The following UPP2 variants were observed in gnomAD, a reference collection of about 807,000 sequenced individuals.
UPP2 encodes the protein UPase 2.
A neutral mutation model predicts 26.7 loss-of-function variants in UPP2; 23 were observed. That is an observed-to-expected ratio of 0.86 (90% confidence interval 0.62 to 1.22). The LOEUF is 1.22. UPP2 is among the 50% of genes most tolerant of loss of function. UPP2 has a pLI of 0.00. For missense variants in UPP2, 387 were observed against 396.7 expected (o/e 0.98, Z 0.21); for synonymous variants, 127 against 141.3 (o/e 0.90, Z 0.72).
At chr2:158,114,979 G>A (rs186604731) in intron 2 of UPP2, 122 bp from the exon 3 acceptor site, 42 of 901,902 alleles carry the variant, frequency 4.7e-5, no homozygotes, top group Non-Finnish European at 6.0e-5. Context: ...CATAAACCAT[G>A]ACATCTACAC....
At chr2:158,087,045 A>G (rs1333047481) in intron 3 of UPP2, among the ~76,000 whole-genome samples, 1 of 152,010 alleles carries the variant, frequency 6.6e-6, no homozygotes, top group African/African-American at 2.4e-5. Flanking sequence ...TTCTTTGTTG[A>G]CTTTCTGTCA....
At chr2:158,079,683 C>T (rs147006253) in intron 3 of UPP2, among the ~76,000 whole-genome samples, 1 of 152,074 alleles carries the variant, frequency 6.6e-6, no homozygotes, top group Non-Finnish European at 1.5e-5. Context: ...TGAAAAAAAG[C>T]CTTTTCCAAT....
chr2:158,017,020 A>C (rs1043926891), intron 3 of UPP2, among the ~76,000 whole-genome samples: 2 of 152,316 alleles, frequency 1.3e-5, no homozygotes, highest in East Asian at 3.9e-4. Flanking sequence ...AATAAAAGGA[A>C]TGGGAGTGGT....
At position 158,115,223 on chromosome 2, in the gene UPP2, C is replaced by T. The variant is rs201679345; in HGVS notation, c.303C>T (p.Tyr101=). The T allele has an allele frequency of 2.2e-5, 35 of 1,612,594 alleles. No individual in the cohort carries two copies. Among genetic ancestry groups the T allele is most frequent in the Non-Finnish European group, 3.0e-5 (35 of 1,179,442 alleles). Residue 101 remains tyrosine (Y), a synonymous_variant, in exon 3 of 7, where the codon TAC becomes TAT. Transcript: ENST00000005756. ...IKDICAGTDR[Y]CMYKTGPVLA... The stretch of plus-strand genomic sequence containing the variant: ...ACATCTGTGCTGGGACAGACAGATA[C>T]TGTATGTACAAAACCGGGCCTGTGC...
chr2:158,082,547 C>A (rs1324550464), intron 3 of UPP2, among the ~76,000 whole-genome samples: 1 of 152,094 alleles, frequency 6.6e-6, no homozygotes. Context: ...ACACCTTATA[C>A]AAAAATTAAC....
chr2:158,100,770 G>A (rs537629789), upstream of UPP2, among the ~76,000 whole-genome samples: 1 of 152,350 alleles, frequency 6.6e-6, no homozygotes, highest in East Asian at 1.9e-4. Flanking sequence ...TCTGGGCACA[G>A]TTGCAAACGT....
chr2:158,030,825 G>A (rs1355261366), intron 3 of UPP2, among the ~76,000 whole-genome samples: 1 of 152,160 alleles, frequency 6.6e-6, no homozygotes, highest in African/African-American at 2.4e-5. Context: ...TGCTATTAAG[G>A]TGACCTGAGG....
chr2:158,032,184 G>A (rs2105157237), intron 3 of UPP2, among the ~76,000 whole-genome samples: 1 of 152,308 alleles, frequency 6.6e-6, no homozygotes, highest in South Asian at 2.1e-4. Context: ...ATTGGGAGCA[G>A]ATATTGCTGA....
At chr2:158,105,009 G>C (rs193240870) in intron 1 of UPP2, among the ~76,000 whole-genome samples, 27 of 10,826 alleles carry the variant, frequency 2.5e-3, no homozygotes, top group Non-Finnish European at 3.1e-3. Flanking sequence ...GGGGAGGGGA[G>C]GGGAGGGGAG....
intron 3 of UPP2, among the ~76,000 whole-genome samples, chr2:158,071,766 G>T (rs1287820627): frequency 1.3e-5 from 2 of 151,914 alleles, no homozygotes; most frequent in East Asian, 3.9e-4. Context: ...CCAAGTCCTG[G>T]CAGGATTCAT....
chr2:158,088,962 C>A (rs1682862063), intron 3 of UPP2, among the ~76,000 whole-genome samples: 1 of 152,120 alleles, frequency 6.6e-6, no homozygotes, highest in Non-Finnish European at 1.5e-5. Flanking sequence ...TGGTTGGCCT[C>A]CAGCCAGGGG....
intron 5 of UPP2, among the ~76,000 whole-genome samples, chr2:158,122,086 G>GGGGGGACC (rs1683582280): frequency 6.6e-6 from 1 of 151,872 alleles, no homozygotes; most frequent in Admixed American, 6.6e-5. Flanking sequence ...TTATCTCTCA[G>GGGGGGACC]CCATGAGTAA....
At chr2:158,114,865 C>A (rs1683391081) in intron 2 of UPP2, among the ~76,000 whole-genome samples, 1 of 152,184 alleles carries the variant, frequency 6.6e-6, no homozygotes, top group African/African-American at 2.4e-5. Flanking sequence ...ATAATATCAA[C>A]ATTTATTTTG....
chr2:158,071,538 G>A (rs1027996089), intron 3 of UPP2, among the ~76,000 whole-genome samples: 7 of 115,762 alleles, frequency 6.0e-5, no homozygotes, highest in Admixed American at 3.2e-4. Flanking sequence ...GCAAAGAAGC[G>A]AGATTCTGTC....
At chr2:158,026,022 T>A (rs1333827856) in intron 3 of UPP2, among the ~76,000 whole-genome samples, 10 of 152,138 alleles carry the variant, frequency 6.6e-5, no homozygotes, top group Non-Finnish European at 1.5e-5. Flanking sequence ...GAGGTGGTGA[T>A]GAAGTACAGC....
At chr2:158,025,138 G>C (rs1683814084) in intron 3 of UPP2, among the ~76,000 whole-genome samples, 1 of 151,226 alleles carries the variant, frequency 6.6e-6, no homozygotes, top group Non-Finnish European at 1.5e-5. Context: ...GGAGGTGGAG[G>C]CTGCAGTGAG....
At chr2:158,014,211 G>T (rs1683624904) in intron 2 of UPP2, among the ~76,000 whole-genome samples, 1 of 152,228 alleles carries the variant, frequency 6.6e-6, no homozygotes, top group East Asian at 1.9e-4. Context: ...ATCAGAAAGA[G>T]CCAGGCCAGA....
At chr2:158,044,809 G>A (rs1171296249) in intron 3 of UPP2, among the ~76,000 whole-genome samples, 6 of 152,116 alleles carry the variant, frequency 3.9e-5, no homozygotes, top group African/African-American at 7.2e-5. Context: ...AACCTAAACG[G>A]CTCTAGTAAG....
intron 5 of UPP2, 33 bp downstream of exon 5, chr2:158,121,651 G>T (rs756028221): frequency 2.0e-5 from 32 of 1,567,842 alleles, no homozygotes; most frequent in African/African-American, 1.4e-5. Context: ...GAAGGAAACA[G>T]AAAAATGCCA....
Sources: allele counts gnomAD v4.1 joint callset (sites outside exome capture counted in the v4.1 genomes callset), GRCh38; gene constraint gnomAD v4.1.1; transcripts MANE v1.5; gene names NCBI Gene and HGNC (gene_info 2026-07-23, HGNC 2026-07-21).